APOLD1: variants seen among roughly 807,000 people sequenced by gnomAD.
The protein encoded by APOLD1 is apolipoprotein L domain-containing protein 1.
In APOLD1, 22 loss-of-function variants were observed where a neutral mutation model predicts 15.3. That is an observed-to-expected ratio of 1.44 (90% CI 1.03 to 2.05). APOLD1 has a LOEUF of 2.05. APOLD1 is among the 30% of genes most tolerant of loss of function. The pLI, the probability that APOLD1 is intolerant of heterozygous loss-of-function variation, is 0.00. For synonymous variants in APOLD1, 190 were observed against 167.4 expected (o/e 1.13, Z -1.04); for missense variants, 394 against 353.5 (o/e 1.11, Z -0.92).
intron 1 of APOLD1, among the ~76,000 whole-genome samples, chr12:12,772,921 C>T (rs926518658): frequency 4.6e-5 from 7 of 151,892 alleles, no homozygotes; most frequent in Non-Finnish European, 1.0e-4. Context: ...ATATTTTAAA[C>T]TAAATGAAAA....
At chr12:12,750,559 A>G (rs957751715) in intron 1 of APOLD1, among the ~76,000 whole-genome samples, 1 of 148,924 alleles carries the variant, frequency 6.7e-6, no homozygotes, top group African/African-American at 2.4e-5. Flanking sequence ...TAGAAACTTG[A>G]TAAAGGGAGG....
chr12:12,764,715 G>A, intron 1 of APOLD1: 1 of 504,812 alleles, frequency 2.0e-6, no homozygotes, highest in Non-Finnish European at 4.1e-6. Context: ...CAGTAGGAAT[G>A]TTCCTTCTTT....
intron 1 of APOLD1, among the ~76,000 whole-genome samples, chr12:12,728,749 A>C (rs1253423578): frequency 6.6e-6 from 1 of 151,246 alleles, no homozygotes; most frequent in African/African-American, 2.4e-5. Context: ...GTTAGTTGTG[A>C]CTCTGCCAAA....
At chr12:12,782,574 G>A (rs532714063), upstream of APOLD1, among the ~76,000 whole-genome samples, 5 of 152,200 alleles carry the variant, frequency 3.3e-5, no homozygotes, top group Non-Finnish European at 7.3e-5. Context: ...AAATAAGGCA[G>A]GAGGATTGCT....
upstream of APOLD1, among the ~76,000 whole-genome samples, chr12:12,782,286 C>CAAAA (rs1447307921): frequency 7.3e-6 from 1 of 137,258 alleles, no homozygotes; most frequent in Non-Finnish European, 1.6e-5. Flanking sequence ...AACAAACAAA[C>CAAAA]AAACAAACAC....
chr12:12,777,899 T>G (rs10845628), intron 1 of APOLD1, among the ~76,000 whole-genome samples: 9 of 26,180 alleles, frequency 3.4e-4, no homozygotes, highest in East Asian at 2.6e-3. Context: ...GTTTTTTTTT[T>G]TTTTTTTTTT....
intron 1 of APOLD1, chr12:12,764,712 A>T: frequency 2.0e-6 from 1 of 506,752 alleles, no homozygotes; most frequent in Admixed American, 2.0e-5. Flanking sequence ...ATACAGTAGG[A>T]ATGTTCCTTC....
upstream of APOLD1, among the ~76,000 whole-genome samples, chr12:12,781,246 C>T (rs1353594266): frequency 6.6e-6 from 1 of 152,000 alleles, no homozygotes; most frequent in Non-Finnish European, 1.5e-5. Context: ...AGTTCAAGAC[C>T]AGCCTGGCCA....
At chr12:12,751,825 C>T (rs1946814183) in intron 1 of APOLD1, among the ~76,000 whole-genome samples, 1 of 152,102 alleles carries the variant, frequency 6.6e-6, no homozygotes, top group Non-Finnish European at 1.5e-5. Context: ...CCTTGTGTGT[C>T]CAATATAATC....
intron 1 of APOLD1, among the ~76,000 whole-genome samples, chr12:12,779,294 T>A (rs1310861350): frequency 1.3e-5 from 2 of 152,278 alleles, no homozygotes; most frequent in East Asian, 1.9e-4. Flanking sequence ...ATTCTGTCTT[T>A]TTCTCTTCCA....
upstream of APOLD1, among the ~76,000 whole-genome samples, chr12:12,782,108 A>C (rs138627394): frequency 8.5e-4 from 129 of 151,942 alleles, no homozygotes; most frequent in African/African-American, 3.0e-3. Context: ...AAGATACAAA[A>C]ATTAGCTGGG....
chr12:12,787,184 G>C lies in APOLD1; in HGVS notation c.279G>C (p.Gly93=). 1.3e-6 allele frequency: 2 copies of C among 1,541,732 alleles called. No individual in the cohort carries two copies. The highest frequency in any genetic ancestry group is 1.7e-6 in the Non-Finnish European group (2 of 1,153,308). The stretch of plus-strand genomic sequence containing the variant: ...TGCTGGTGTCGGCCGTGGGGCTGGG[G>C]GTGGCCACAGCCGGAGGGGCCGTCA... ...TSLLVSAVGL[G]VATAGGAVTI... Residue 93 remains glycine, a synonymous_variant, in exon 2 of 2, where the codon GGG becomes GGC. Coordinates refer to ENST00000356591, the MANE Select transcript of APOLD1 (RefSeq NM_030817.3). The surrounding 1 kb of genome is among the most constrained non-coding windows in gnomAD (Gnocchi z 4.9).
intron 1 of APOLD1, among the ~76,000 whole-genome samples, chr12:12,742,834 G>A (rs1946738464): frequency 6.6e-6 from 1 of 151,882 alleles, no homozygotes; most frequent in Non-Finnish European, 1.5e-5. Context: ...GCATGATCTC[G>A]GCTTACTGCA....
Position 12,787,219 on chromosome 12 carries a change from C to A in APOLD1, c.314C>A (p.Ser105Tyr). 1 of 1,562,878 alleles carries A rather than the reference C, an allele frequency of 6.4e-7. No homozygotes were observed. Among genetic ancestry groups the A allele is most frequent in the South Asian group, 1.2e-5 (1 of 83,666 alleles). ...GCCGGAGGGGCCGTCACCATCACGT[C>A]CGATCTCTCGCTGATCTTCTGCAAC... ...ATAGGAVTIT[S>Y]DLSLIFCNSR... is the part of the protein sequence containing the mutation. Residue 105 changes from serine to tyrosine, a missense_variant, in exon 2 of 2, where the codon TCC becomes TAC. Transcript: ENST00000356591. The surrounding 1 kb of genome is among the most constrained non-coding windows in gnomAD (Gnocchi z 4.9).
chr12:12,754,770 T>C (rs1946843733), intron 1 of APOLD1, among the ~76,000 whole-genome samples: 1 of 150,270 alleles, frequency 6.7e-6, no homozygotes, highest in African/African-American at 2.5e-5. Flanking sequence ...CTGGACATGG[T>C]GGCTCACACC....
At chr12:12,773,089 A>G (rs1947001167) in intron 1 of APOLD1, among the ~76,000 whole-genome samples, 1 of 152,162 alleles carries the variant, frequency 6.6e-6, no homozygotes, top group Non-Finnish European at 1.5e-5. Context: ...TAAAAAAGAA[A>G]AAAAAATTAT....
Position 12,786,987 on chromosome 12 carries a change from C to G in APOLD1, c.82C>G (p.Arg28Gly), listed in dbSNP as rs1239910429. The change falls in exon 2 of 2, where the codon CGA becomes GGA. Residue 28 changes from arginine to glycine, a missense_variant. Arg to Gly is a moderately radical substitution (Grantham distance 125, BLOSUM62 -2). Transcript: ENST00000356591. ...CTTCCAGGGACTGCTGCTGGACCGCCGAGGCCGGCTGCACGGCCAGGTGCT... is the reference window on the plus strand; with the variant it reads ...CTTCCAGGGACTGCTGCTGGACCGCGGAGGCCGGCTGCACGGCCAGGTGCT... ...RRFQGLLLDR[R>G]GRLHGQVLRL... The G allele has an allele frequency of 8.4e-6, 12 of 1,426,304 alleles. No individual in the cohort carries two copies. The highest frequency in any genetic ancestry group is 2.9e-5 in the South Asian group (2 of 68,646). 88.4% of individuals were successfully genotyped at this position (1,426,304 alleles called of 1,614,324 possible). A position where few individuals can be genotyped will look rare whatever the true frequency, so the allele number is the denominator to read the frequency against.
intron 1 of APOLD1, among the ~76,000 whole-genome samples, chr12:12,765,122 A>G (rs149923829): frequency 7.2e-5 from 11 of 152,326 alleles, no homozygotes; most frequent in African/African-American, 2.4e-4. Context: ...TGCAGGCTGT[A>G]TAAGAGGCAA....
intron 1 of APOLD1, among the ~76,000 whole-genome samples, chr12:12,729,144 C>T (rs1946617325): frequency 6.6e-6 from 1 of 151,780 alleles, no homozygotes; most frequent in Non-Finnish European, 1.5e-5. Context: ...TTTTTTCCCC[C>T]AGAATGTTCC....
Sources: gnomAD v4.1 joint callset for allele counts (sites outside exome capture counted in the v4.1 genomes callset) on GRCh38, gnomAD v4.1.1 for gene constraint, Gnocchi (gnomAD v3.1) non-coding constraint, MANE v1.5 for transcripts, NCBI Gene and HGNC (gene_info 2026-07-23, HGNC 2026-07-21) for gene names.